Variants in CRIPT observed in about 807,000 individuals in gnomAD.
The protein encoded by CRIPT is cysteine-rich PDZ-binding protein.
A neutral mutation model predicts 16.6 loss-of-function variants in CRIPT; 20 were observed. The ratio of observed to expected loss-of-function variants is 1.20; its 90% CI spans 0.85 to 1.75. The LOEUF is 1.75. CRIPT is among the 40% of genes most tolerant of loss of function. The pLI is 0.00. For missense variants in CRIPT, 133 were observed against 115.3 expected (o/e 1.15, Z -0.70); for synonymous variants, 42 against 37.0 (o/e 1.14, Z -0.49).
In CRIPT at chr2:46,618,767, TA is replaced by T; in HGVS notation, c.17-4del. On this transcript the variant is annotated splice_region_variant and splice_polypyrimidine_tract_variant and intron_variant, in intron 1 of 4. Transcript: ENST00000238892. The stretch of plus-strand genomic sequence containing the variant: ...TAATTTTCCTTTTACTATCTTGTTC[TA>T]ACAGGTGAAAAGAAACTTGGTACTG... The T allele has an allele frequency of 6.3e-7, 1 of 1,589,840 alleles. No homozygotes were observed.
At chr2:46,623,686 G>A (rs754485621) in intron 3 of CRIPT, 78 bp from the exon 4 acceptor site, 1 of 738,790 alleles carries the variant, frequency 1.4e-6, no homozygotes, top group Non-Finnish European at 2.3e-6. Flanking sequence ...GATTAATCCT[G>A]TGTGTTGCGT....
intron 1 of CRIPT, among the ~76,000 whole-genome samples, chr2:46,618,289 G>C (rs1306395214): frequency 1.4e-5 from 2 of 143,884 alleles, no homozygotes; most frequent in Non-Finnish European, 1.5e-5. Context: ...ATAGACTCTT[G>C]CCAGGAAAAA....
intron 3 of CRIPT, 110 bp downstream of exon 3, chr2:46,619,791 G>T: frequency 1.2e-6 from 1 of 806,800 alleles, no homozygotes; most frequent in Non-Finnish European, 2.0e-6. Flanking sequence ...ACAGAGTTAG[G>T]TGGTTCCTAG....
At position 46,617,216 on chromosome 2, in the gene CRIPT, T is replaced by A. The variant is rs1455177384; in HGVS notation, c.-67T>A. The stretch of plus-strand genomic sequence containing the variant: ...CCGGAAGGGGAATACTTCCAAGTTG[T>A]AGTGTTGTTGTTTTCAGCCTGCTGC... On this transcript the variant is annotated 5_prime_UTR_variant, in exon 1 of 5. Transcript: ENST00000238892. 15 of 1,547,800 alleles carry A rather than the reference T, an allele frequency of 9.7e-6. No homozygotes were observed. The highest frequency in any genetic ancestry group is 1.3e-5 in the Non-Finnish European group (15 of 1,144,296).
chr2:46,625,364 T>C lies in CRIPT; in HGVS notation c.*1137T>C, dbSNP rs543418446. 8.1e-4 allele frequency: 119 copies of C among 146,224 alleles called. No homozygotes were observed. Among genetic ancestry groups the C allele is most frequent in the Middle Eastern group, 3.6e-3 (1 of 274 alleles). 9.1% of individuals were successfully genotyped at this position (146,224 alleles called of 1,614,324 possible). A position where few individuals can be genotyped will look rare whatever the true frequency, so the allele number is the denominator to read the frequency against. On this transcript the variant is annotated 3_prime_UTR_variant, in exon 5 of 5. Transcript: ENST00000238892. ...GGGATACAGGTGTGAGCCACAGAAC[T>C]TGGCCTCTCTCTTTTTTTTTTTTTT...
At position 46,617,243 on chromosome 2, in the gene CRIPT, G is replaced by T. The variant is rs773862266; in HGVS notation, c.-40G>T. 11 of 1,552,990 alleles carry T rather than the reference G, an allele frequency of 7.1e-6. No individual in the cohort carries two copies. The African/African-American group carries it at 1.4e-4, about 19-fold the overall frequency. Reference sequence around the variant, plus strand: ...GTGTTGTTGTTTTCAGCCTGCTGCTGCTGCTGCTGTTGCGGCTAGGGGAAC... The same window carrying T: ...GTGTTGTTGTTTTCAGCCTGCTGCTTCTGCTGCTGTTGCGGCTAGGGGAAC... On this transcript the variant is annotated 5_prime_UTR_variant, in exon 1 of 5. Coordinates refer to ENST00000238892, the MANE Select transcript of CRIPT (RefSeq NM_014171.6).
rs1670869932 is a variant in CRIPT, at chr2:46,623,830, A to T, written c.204A>T (p.Pro68=). ...CRICKSSVHQ[P]GSHYCQGCAY... Reference sequence around the variant, plus strand: ...TTTGTAAAAGTTCTGTGCACCAACCAGGTTCTCATTACTGCCAGGGCTGTG... The same window carrying T: ...TTTGTAAAAGTTCTGTGCACCAACCTGGTTCTCATTACTGCCAGGGCTGTG... Residue 68 remains proline (P), a synonymous_variant, in exon 4 of 5, where the codon CCA becomes CCT. Coordinates refer to ENST00000238892, the MANE Select transcript of CRIPT (RefSeq NM_014171.6). 1 of 1,611,008 alleles carries T rather than the reference A, an allele frequency of 6.2e-7. No homozygotes were observed. The highest frequency in any genetic ancestry group is 8.5e-7 in the Non-Finnish European group (1 of 1,178,234).
At position 46,626,464 on chromosome 2, in the gene CRIPT, G is replaced by T. The variant is rs1670942042; in HGVS notation, c.*2237G>T. ...TGGATTTATATCCAGTCATGGGATT[G>T]CTGGTTCAAATGGTAGTTCTGTTTT... On this transcript the variant is annotated 3_prime_UTR_variant, in exon 5 of 5. Coordinates refer to ENST00000238892, the MANE Select transcript of CRIPT (RefSeq NM_014171.6). 6.6e-6 allele frequency among the ~76,000 whole-genome samples: 1 copy of T among 152,200 alleles called. No individual in the cohort carries two copies. The highest frequency in any genetic ancestry group is 1.5e-5 in the Non-Finnish European group (1 of 68,034).
At chr2:46,623,359 T>A (rs766109345) in intron 3 of CRIPT, among the ~76,000 whole-genome samples, 1 of 152,200 alleles carries the variant, frequency 6.6e-6, no homozygotes, top group Non-Finnish European at 1.5e-5. Context: ...TCAACAGTTG[T>A]CTTACCCATA....
At position 46,624,981 on chromosome 2, in the gene CRIPT, C is replaced by T. The variant is rs1487806954; in HGVS notation, c.*754C>T. On this transcript the variant is annotated 3_prime_UTR_variant, in exon 5 of 5. Transcript: ENST00000238892. ...AAAGCTCTTTGAAGCAAAAACCAAA[C>T]TTTTTTTTTTTTTTTTTTACCTCCT... The T allele has an allele frequency of 7.9e-6, 1 of 126,956 alleles. No homozygotes were observed. The highest frequency in any genetic ancestry group is 2.3e-4 in the East Asian group (1 of 4,432). 7.9% of individuals were successfully genotyped at this position (126,956 alleles called of 1,614,324 possible). A position where few individuals can be genotyped will look rare whatever the true frequency, so the allele number is the denominator to read the frequency against.
chr2:46,627,418 A>G lies in CRIPT; in HGVS notation c.*3191A>G, dbSNP rs1389294377. On this transcript the variant is annotated 3_prime_UTR_variant, in exon 5 of 5. Transcript: ENST00000238892. The stretch of plus-strand genomic sequence containing the variant: ...GTAGGTTTTCTTCTAGGACTCTTAT[A>G]GCTTGAAGTCTTACATTTAAATCTT... Among the ~76,000 whole-genome samples, 1 of 150,786 alleles carries G rather than the reference A, an allele frequency of 6.6e-6. No homozygotes were observed. The highest frequency in any genetic ancestry group is 2.4e-5 in the African/African-American group (1 of 41,116).
Position 46,627,255 on chromosome 2 carries a change from G to A in CRIPT, c.*3028G>A, listed in dbSNP as rs1670962489. On this transcript the variant is annotated 3_prime_UTR_variant, in exon 5 of 5. Coordinates refer to ENST00000238892, the MANE Select transcript of CRIPT (RefSeq NM_014171.6). Reference sequence around the variant, plus strand: ...CCATTCTGTAGGTTGTCTGTTTACTGTATTGATAGTTCCTTTTGCGGTGCA... The same window carrying A: ...CCATTCTGTAGGTTGTCTGTTTACTATATTGATAGTTCCTTTTGCGGTGCA... Among the ~76,000 whole-genome samples, 1 of 152,120 alleles carries A rather than the reference G, an allele frequency of 6.6e-6. No individual in the cohort carries two copies. The highest frequency in any genetic ancestry group is 6.5e-5 in the Admixed American group (1 of 15,272).
At chr2:46,622,402 A>G (rs375923122) in intron 3 of CRIPT, among the ~76,000 whole-genome samples, 7 of 152,196 alleles carry the variant, frequency 4.6e-5, no homozygotes, top group East Asian at 1.9e-4. Flanking sequence ...CAAGGTTACA[A>G]TGTGTATTTT....
rs891601639 is a variant in CRIPT, at chr2:46,627,555, T to C, written c.*3328T>C. Among the ~76,000 whole-genome samples the C allele has an allele frequency of 6.6e-6, 1 of 151,954 alleles. No individual in the cohort carries two copies. The highest frequency in any genetic ancestry group is 2.4e-5 in the African/African-American group (1 of 41,358). ...ACCTCCCAGGCTCAAGCGATTCTCA[T>C]GCCTCAGCCTCCCAACCTAACTGGG... is the stretch of plus-strand genomic sequence containing the variant. On this transcript the variant is annotated 3_prime_UTR_variant, in exon 5 of 5. Coordinates refer to ENST00000238892, the MANE Select transcript of CRIPT (RefSeq NM_014171.6).
chr2:46,623,769 A>G lies in CRIPT; in HGVS notation c.143A>G (p.Asp48Gly). The change falls in exon 4 of 5, where the codon GAT becomes GGT. Residue 48 changes from aspartate (D) to glycine (G), a missense_variant. By Grantham distance (94) the Asp-to-Gly change is moderately conservative. Transcript: ENST00000238892. ...TCTTTAAAAAAAATTTCTAGATTTG[A>G]TCCATATGGAAAGAATAAGTTCTCC... is the stretch of plus-strand genomic sequence containing the variant. ...KALTSKKARF[D>G]PYGKNKFSTC... 6.3e-7 allele frequency: 1 copy of G among 1,594,740 alleles called. No individual in the cohort carries two copies. Among genetic ancestry groups the G allele is most frequent in the Non-Finnish European group, 8.6e-7 (1 of 1,167,848 alleles).
In CRIPT at chr2:46,624,241, A is replaced by G. The variant is rs776845007; in HGVS notation, c.*14A>G. 6.5e-7 allele frequency: 1 copy of G among 1,530,170 alleles called. No individual in the cohort carries two copies. 94.8% of individuals were successfully genotyped at this position (1,530,170 alleles called of 1,614,324 possible). ...ACATCTGTCTAGATGTATTGATGGA[A>G]TTTCTGGCTTTCTAAATGATTTTAC... is the stretch of plus-strand genomic sequence containing the variant. On this transcript the variant is annotated 3_prime_UTR_variant, in exon 5 of 5. Coordinates refer to ENST00000238892, the MANE Select transcript of CRIPT (RefSeq NM_014171.6).
chr2:46,618,756 C>T lies in CRIPT; in HGVS notation c.17-17C>T. On this transcript the variant is annotated splice_polypyrimidine_tract_variant and intron_variant, in intron 1 of 4. Transcript: ENST00000238892. The stretch of plus-strand genomic sequence containing the variant: ...ATAATAAAGTTTAATTTTCCTTTTA[C>T]TATCTTGTTCTAACAGGTGAAAAGA... 1 of 1,551,482 alleles carries T rather than the reference C, an allele frequency of 6.4e-7. No individual in the cohort carries two copies. The highest frequency in any genetic ancestry group is 8.8e-7 in the Non-Finnish European group (1 of 1,131,650).
In CRIPT at chr2:46,624,434, A is replaced by AT; in HGVS notation, c.*211dup. 2.8e-6 allele frequency: 1 copy of AT among 357,926 alleles called. No homozygotes were observed. Among genetic ancestry groups the AT allele is most frequent in the Non-Finnish European group, 5.0e-6 (1 of 199,948 alleles). The allele number at this position is 357,926 out of a possible 1,614,324, so 22.2% of individuals were successfully genotyped here. On this transcript the variant is annotated 3_prime_UTR_variant, in exon 5 of 5. Transcript: ENST00000238892. ...GTAAATGGTTATTTTCCTTATAAGA[A>AT]TTTTAAGAACTAAGTGGCAAATTCC...
intron 1 of CRIPT, among the ~76,000 whole-genome samples, chr2:46,618,264 A>G (rs1670715327): frequency 6.6e-6 from 1 of 151,378 alleles, no homozygotes; most frequent in Admixed American, 6.6e-5. Flanking sequence ...TCCCTCTGAT[A>G]ATCTGATGAA....
Sources: allele counts gnomAD v4.1 joint callset (sites outside exome capture counted in the v4.1 genomes callset), GRCh38; gene constraint gnomAD v4.1.1; transcripts MANE v1.5; gene names NCBI Gene and HGNC (gene_info 2026-07-23, HGNC 2026-07-21).